Variants in SEMA3A observed in about 807,000 individuals in gnomAD.
SEMA3A encodes semaphorin-3A.
A neutral mutation model predicts 97.9 loss-of-function variants in SEMA3A; 29 were observed. The ratio of observed to expected loss-of-function variants is 0.30; its 90% CI spans 0.22 to 0.40. The LOEUF (loss-of-function observed/expected upper bound fraction) is 0.40, where lower values mean the gene tolerates loss of function less well. Ranked by LOEUF, SEMA3A falls within the 10% of genes least tolerant of loss-of-function variation. SEMA3A has a pLI of 1.00. For missense variants in SEMA3A, 763 were observed against 951.3 expected, an observed-to-expected ratio of 0.80 and a Z score of 2.60; for synonymous variants, 321 against 323.7, an observed-to-expected ratio of 0.99 and a Z score of 0.09.
chr7:84,140,541 C>A (rs576101718), intron 1 of SEMA3A, among the ~76,000 whole-genome samples: 1 of 152,200 alleles, frequency 6.6e-6, no homozygotes, highest in Middle Eastern at 3.4e-3. Context: ...TGGCTTTAGG[C>A]TTATGTCCTT....
chr7:84,460,638 C>G (rs1294790448), intron 1 of SEMA3A, among the ~76,000 whole-genome samples: 1 of 152,120 alleles, frequency 6.6e-6, no homozygotes, highest in African/African-American at 2.4e-5. Context: ...TGTCCATAAC[C>G]TGGAAACCAG....
At chr7:84,082,227 G>A (rs1038925141) in intron 4 of SEMA3A, among the ~76,000 whole-genome samples, 3 of 152,100 alleles carry the variant, frequency 2.0e-5, no homozygotes, top group African/African-American at 4.8e-5. Context: ...AGAAGCAAGA[G>A]GTATATGATT....
intron 3 of SEMA3A, among the ~76,000 whole-genome samples, chr7:84,240,507 T>C (rs942330601): frequency 1.3e-5 from 2 of 152,120 alleles, no homozygotes; most frequent in African/African-American, 4.8e-5. Context: ...CATTGCTGAC[T>C]TGAGGAAAGG....
chr7:84,071,622 G>A (rs1303311348), intron 4 of SEMA3A, among the ~76,000 whole-genome samples: 3 of 152,036 alleles, frequency 2.0e-5, no homozygotes, highest in African/African-American at 7.2e-5. Flanking sequence ...TACATTAAAT[G>A]TCCATTTATT....
At chr7:84,086,001 T>C (rs912446717) in intron 4 of SEMA3A, among the ~76,000 whole-genome samples, 2 of 152,156 alleles carry the variant, frequency 1.3e-5, no homozygotes, top group African/African-American at 4.8e-5. Flanking sequence ...TCCAAAGATA[T>C]GTAGCCACAC....
intron 1 of SEMA3A, among the ~76,000 whole-genome samples, chr7:84,174,035 G>C (rs1797484080): frequency 6.6e-6 from 1 of 152,072 alleles, no homozygotes; most frequent in South Asian, 2.1e-4. Context: ...AGGTGTGACT[G>C]CACAGAGACC....
chr7:84,484,283 G>C (rs1323361147), intron 1 of SEMA3A, among the ~76,000 whole-genome samples: 2 of 152,046 alleles, frequency 1.3e-5, no homozygotes, highest in East Asian at 3.9e-4. Flanking sequence ...GCAGAGAATA[G>C]CAAGTGGTTA....
chr7:84,458,024 C>T (rs1368269771), intron 1 of SEMA3A, among the ~76,000 whole-genome samples: 1 of 151,858 alleles, frequency 6.6e-6, no homozygotes, highest in Admixed American at 6.6e-5. Flanking sequence ...TTCCACTGAC[C>T]CATTATGAAG....
intron 1 of SEMA3A, among the ~76,000 whole-genome samples, chr7:84,144,846 A>T (rs911143767): frequency 1.3e-5 from 2 of 152,152 alleles, no homozygotes; most frequent in Non-Finnish European, 2.9e-5. Flanking sequence ...TCAAAAGAGA[A>T]CAGATATTAC....
chr7:84,064,089 G>A (rs1245719361), intron 4 of SEMA3A, among the ~76,000 whole-genome samples: 9 of 152,198 alleles, frequency 5.9e-5, no homozygotes, highest in Non-Finnish European at 1.5e-5. Flanking sequence ...AACCCTACAA[G>A]CCAGAAGAGA....
intron 2 of SEMA3A, among the ~76,000 whole-genome samples, chr7:84,345,094 G>A (rs1005521837): frequency 1.6e-4 from 24 of 152,080 alleles, no homozygotes; most frequent in African/African-American, 5.8e-4. Flanking sequence ...CACTGCAATA[G>A]AGCAAATATC....
chr7:84,170,734 A>G (rs1355992050), intron 1 of SEMA3A, among the ~76,000 whole-genome samples: 1 of 152,066 alleles, frequency 6.6e-6, no homozygotes, highest in Non-Finnish European at 1.5e-5. Flanking sequence ...ATTGATCCTC[A>G]TGAAAAGCTC....
intron 3 of SEMA3A, among the ~76,000 whole-genome samples, chr7:84,211,627 A>T (rs899199104): frequency 8.5e-5 from 13 of 152,168 alleles, no homozygotes; most frequent in African/African-American, 2.4e-4. Flanking sequence ...CATCTAAAAA[A>T]AAAAAAATTA....
chr7:84,206,602 G>A (rs778679730), intron 3 of SEMA3A, among the ~76,000 whole-genome samples: 1 of 152,084 alleles, frequency 6.6e-6, no homozygotes, highest in Middle Eastern at 3.4e-3. Flanking sequence ...GATTACAGGC[G>A]TGAGCCACCG....
At chr7:84,318,859 T>C (rs1421057598) in intron 2 of SEMA3A, among the ~76,000 whole-genome samples, 4 of 152,164 alleles carry the variant, frequency 2.6e-5, no homozygotes, top group African/African-American at 9.7e-5. Flanking sequence ...TGATATAAAG[T>C]CACCAGATAA....
intron 4 of SEMA3A, among the ~76,000 whole-genome samples, chr7:84,086,169 A>C (rs1439475194): frequency 1.3e-5 from 2 of 152,002 alleles, no homozygotes; most frequent in Non-Finnish European, 2.9e-5. Context: ...TACTACAATC[A>C]CTACTACTGC....
chr7:84,324,975 A>G (rs1265220949), intron 2 of SEMA3A, among the ~76,000 whole-genome samples: 2 of 152,162 alleles, frequency 1.3e-5, no homozygotes, highest in African/African-American at 4.8e-5. Context: ...TTCAAAAAGA[A>G]AGACAAAAAG....
At position 84,140,874 on chromosome 7, in the gene SEMA3A, A is replaced by C. The variant is rs1796273675; in HGVS notation, c.113-5923T>G. ...CTATCATTGTCATTTCATTAGAAAA[A>C]AGGGGGTGGGAGCCATTTTATTTTA... On this transcript the variant is annotated intron_variant, in intron 1 of 16. Transcript: ENST00000265362. Among the ~76,000 whole-genome samples the C allele has an allele frequency of 3.3e-5, 5 of 152,306 alleles. No individual in the cohort carries two copies. The South Asian group carries it at 1.0e-3, about 32-fold the overall frequency.
At position 84,238,367 on chromosome 7, in the gene SEMA3A, G is replaced by A. The variant is rs115502270; in HGVS notation, c.-82-43699C>T. Among the ~76,000 whole-genome samples, 1,105 of 151,980 alleles carry A rather than the reference G, an allele frequency of 7.3e-3. 11 individuals are homozygous for A. The highest frequency in any genetic ancestry group is 0.025 in the African/African-American group (1,029 of 41,466). Reference sequence around the variant, plus strand: ...CAGGTGTGAGCCATCGTGCCTGGTGGAATAACCAATTTTCAACTGAACTTG... The same window carrying A: ...CAGGTGTGAGCCATCGTGCCTGGTGAAATAACCAATTTTCAACTGAACTTG... On this transcript the variant is annotated intron_variant, in intron 3 of 3. Coordinates refer to the SEMA3A transcript ENST00000424555.
Sources: gnomAD v4.1 joint callset for allele counts (sites outside exome capture counted in the v4.1 genomes callset) on GRCh38, gnomAD v4.1.1 for gene constraint, MANE v1.5 for transcripts, NCBI Gene and HGNC (gene_info 2026-07-23, HGNC 2026-07-21) for gene names.